ZNF324: variants seen among roughly 807,000 people sequenced by gnomAD.
ZNF324 encodes the protein zinc finger protein 324.
In ZNF324, 3 loss-of-function variants were observed where a neutral mutation model predicts 10.3. The ratio of observed to expected loss-of-function variants is 0.29; its 90% CI spans 0.13 to 0.75. The LOEUF (loss-of-function observed/expected upper bound fraction) is 0.75. ZNF324 is among the 30% of genes least tolerant of loss of function. ZNF324 has a pLI of 0.69. For missense variants in ZNF324, 763 were observed against 784.4 expected, an observed-to-expected ratio of 0.97 and a Z score of 0.33; for synonymous variants, 430 against 339.5, an observed-to-expected ratio of 1.27 and a Z score of -2.93.
chr19:58,469,947 C>T, intron 3 of ZNF324, 103 bp downstream of exon 3: 1 of 847,470 alleles, frequency 1.2e-6, no homozygotes, highest in Non-Finnish European at 1.9e-6. Flanking sequence ...CCCTCCCTCC[C>T]ACCCGATTCC....
chr19:58,471,683 C>T lies in ZNF324; in HGVS notation c.1191C>T (p.Phe397=), dbSNP rs760739597. Residue 397 remains phenylalanine (F), a synonymous_variant, in exon 4 of 4, where the codon TTC becomes TTT. Coordinates refer to ENST00000196482, the MANE Select transcript of ZNF324 (RefSeq NM_014347.3). ...GTACGCACACAGGCGAGAAGCCCTT[C>T]GTGTGCGCGCTCTGCGGTGCTGCCT... is the stretch of plus-strand genomic sequence containing the variant. ...HERTHTGEKP[F]VCALCGAAFS... is the part of the protein sequence containing the mutation. 1.2e-5 allele frequency: 20 copies of T among 1,612,802 alleles called. No homozygotes were observed. Among genetic ancestry groups the T allele is most frequent in the Admixed American group, 1.7e-5 (1 of 60,006 alleles).
chr19:58,471,052 G>C lies in ZNF324; in HGVS notation c.560G>C (p.Arg187Thr), dbSNP rs1423974197. The C allele has an allele frequency of 6.2e-7, 1 of 1,613,982 alleles. No homozygotes were observed. Among genetic ancestry groups the C allele is most frequent in the Non-Finnish European group, 8.5e-7 (1 of 1,180,042 alleles). The change falls in exon 4 of 4, where the codon AGG (arginine) becomes ACG (threonine). Residue 187 changes from arginine to threonine, a missense_variant. By Grantham distance (71) the Arg-to-Thr change is moderately conservative. Coordinates refer to ENST00000196482, the MANE Select transcript of ZNF324 (RefSeq NM_014347.3). ...CTCACAGAGCATGCGTTGCTGGGGA[G>C]GCAGCCCAGGACGCCTGAGCGGCAG... ...KTLTEHALLG[R>T]QPRTPERQKP...
At chr19:58,468,885 G>C (rs1446567637) in intron 1 of ZNF324, among the ~76,000 whole-genome samples, 1 of 152,168 alleles carries the variant, frequency 6.6e-6, no homozygotes, top group Non-Finnish European at 1.5e-5. Context: ...CATCATGGAA[G>C]GTGGCTGTTG....
Position 58,470,837 on chromosome 19 carries a change from C to G in ZNF324, c.345C>G (p.Ala115=). ...CTAGCGTCTTCCCTGTTGCCGGTGC[C>G]TGCCACAGTGTAAAAAGCCTGCAGA... ...MTTSVFPVAG[A]CHSVKSLQRQ... The change falls in exon 4 of 4, where the codon GCC becomes GCG. Residue 115 remains alanine (A), a synonymous_variant. Coordinates refer to ENST00000196482, the MANE Select transcript of ZNF324 (RefSeq NM_014347.3). 6.2e-7 allele frequency: 1 copy of G among 1,614,232 alleles called. No homozygotes were observed. The highest frequency in any genetic ancestry group is 8.5e-7 in the Non-Finnish European group (1 of 1,180,044).
rs775018676 is a variant in ZNF324 at position 58,475,130 on chromosome 19, C to T, written c.*2976C>T. Reference sequence around the variant, plus strand: ...ATCCCCAAAAACAACCTGAGGAGGCCGTTGGAAAGCTCCGAGTTGACAAGT... The same window carrying T: ...ATCCCCAAAAACAACCTGAGGAGGCTGTTGGAAAGCTCCGAGTTGACAAGT... On this transcript the variant is annotated 3_prime_UTR_variant, in exon 4 of 4. Transcript: ENST00000196482. 7.9e-5 allele frequency: 12 copies of T among 152,226 alleles called. No individual in the cohort carries two copies. In the South Asian group the frequency reaches 2.5e-3, roughly 32 times the overall value. 9.4% of individuals were successfully genotyped at this position (152,226 alleles called of 1,614,324 possible). A position where few individuals can be genotyped will look rare whatever the true frequency, so the allele number is the denominator to read the frequency against.
Position 58,472,090 on chromosome 19 carries a change from C to T in ZNF324, c.1598C>T (p.Ala533Val), listed in dbSNP as rs201793822. The change falls in exon 4 of 4, where the codon GCG becomes GTG. Residue 533 changes from alanine (A) to valine (V), a missense_variant. Transcript: ENST00000196482. ...VAGASSEGAP[A>V]KETEPTPASG... is the part of the protein sequence containing the mutation. ...GGGGCATCATCAGAAGGTGCGCCAGCGAAGGAAACCGAGCCCACTCCCGCC... is the reference window on the plus strand; with the variant it reads ...GGGGCATCATCAGAAGGTGCGCCAGTGAAGGAAACCGAGCCCACTCCCGCC... 9 of 1,598,454 alleles carry T rather than the reference C, an allele frequency of 5.6e-6. No individual in the cohort carries two copies. The highest frequency in any genetic ancestry group is 5.0e-5 in the Admixed American group (3 of 59,738).
Position 58,471,332 on chromosome 19 carries a change from C to G in ZNF324, c.840C>G (p.Thr280=). 1 of 1,614,002 alleles carries G rather than the reference C, an allele frequency of 6.2e-7. No homozygotes were observed. The highest frequency in any genetic ancestry group is 8.5e-7 in the Non-Finnish European group (1 of 1,180,014). ...SDLLKHLRTH[T]GERPYECAQC... ...TCCTCAAGCACCTACGCACCCACAC[C>G]GGGGAGCGGCCCTACGAGTGCGCCC... is the stretch of plus-strand genomic sequence containing the variant. The change falls in exon 4 of 4, where the codon ACC becomes ACG. Residue 280 remains threonine, a synonymous_variant. Transcript: ENST00000196482.
At chr19:58,467,235 A>AGGGCGCC (rs2052989338) in intron 1 of ZNF324, 52 bp downstream of exon 1, 1 of 150,572 alleles carries the variant, frequency 6.6e-6, no homozygotes, top group South Asian at 2.1e-4. Flanking sequence ...GTCGTGATCA[A>AGGGCGCC]GGGCGCCGGC....
Position 58,471,525 on chromosome 19 carries a change from G to T in ZNF324, c.1033G>T (p.Glu345Ter), listed in dbSNP as rs1474016288. Residue 345 changes from glutamate (E) to a stop codon, truncating the protein, a stop_gained, in exon 4 of 4, where the codon GAG becomes TAG. Transcript: ENST00000196482. LOFTEE classifies it low-confidence loss of function (END_TRUNC). ...GGCCGAGAAGTCCTTCCGCTGCTCC[G>T]AGTGCGGCAAGGCCTTCAGCCACGG... ...HTAEKSFRCS[E>*]CGKAFSHGSN... 6.4e-7 allele frequency: 1 copy of T among 1,573,654 alleles called. No homozygotes were observed. The highest frequency in any genetic ancestry group is 2.3e-5 in the East Asian group (1 of 42,964).
Position 58,470,800 on chromosome 19 carries a change from C to T in ZNF324, c.308C>T (p.Pro103Leu). Residue 103 changes from proline (P) to leucine (L), a missense_variant, in exon 4 of 4, where the codon CCT becomes CTT. This residue lies in a region of ZNF324 where 379 missense variants were observed against 319.4 expected (regional missense o/e 1.19). Transcript: ENST00000196482. ...CCACGAGCTTTCCCAGATACCCCAC[C>T]TGGGATGACTACTAGCGTCTTCCCT... ...EWPRAFPDTP[P>L]GMTTSVFPVA... The T allele has an allele frequency of 6.2e-7, 1 of 1,614,230 alleles. No individual in the cohort carries two copies. Among genetic ancestry groups the T allele is most frequent in the Non-Finnish European group, 8.5e-7 (1 of 1,180,044 alleles).
rs2053009796 is a variant in ZNF324 at position 58,469,588 on chromosome 19, C to T, written c.122-140C>T. The T allele has an allele frequency of 8.9e-6, 7 of 787,092 alleles. No individual in the cohort carries two copies. The South Asian group carries it at 1.2e-4, about 13-fold the overall frequency. The allele number at this position is 787,092 out of a possible 1,614,324, so 48.8% of individuals were successfully genotyped here. On this transcript the variant is annotated intron_variant, in intron 2 of 3. Coordinates refer to ENST00000196482, the MANE Select transcript of ZNF324 (RefSeq NM_014347.3). ...ATGAATGAGCTATTCCTGTGAGCCC[C>T]TTGCCCTGTGCCATCTTTAGATTCT...
chr19:58,469,601 A>C, intron 2 of ZNF324, 127 bp from the exon 3 acceptor site: 1 of 836,618 alleles, frequency 1.2e-6, no homozygotes, highest in South Asian at 1.6e-5. Context: ...GCCCTGTGCC[A>C]TCTTTAGATT....
chr19:58,471,990 C>T lies in ZNF324; in HGVS notation c.1498C>T (p.Gln500Ter), dbSNP rs1178713652. The part of the protein sequence containing the change: ...FRERPALFHH[Q>*]RIHTGEKTVR... ...TGAGCGCCCGGCCCTCTTCCACCAC[C>T]AGAGGATCCATACCGGCGAGAAGAC... is the stretch of plus-strand genomic sequence containing the variant. Residue 500 changes from glutamine (Q) to a stop codon, truncating the protein, a stop_gained, in exon 4 of 4, where the codon CAG (glutamine) becomes TAG (stop). Coordinates refer to ENST00000196482, the MANE Select transcript of ZNF324 (RefSeq NM_014347.3). LOFTEE classifies it low-confidence loss of function (END_TRUNC). 5.6e-6 allele frequency: 9 copies of T among 1,608,806 alleles called. No homozygotes were observed. The highest frequency in any genetic ancestry group is 1.7e-5 in the Admixed American group (1 of 60,018).
rs751326737 is a variant in ZNF324 at position 58,471,692 on chromosome 19, G to T, written c.1200G>T (p.Ala400=). The T allele has an allele frequency of 4.3e-6, 7 of 1,612,562 alleles. No individual in the cohort carries two copies. The highest frequency in any genetic ancestry group is 5.1e-6 in the Non-Finnish European group (6 of 1,179,570). ...CAGGCGAGAAGCCCTTCGTGTGCGC[G>T]CTCTGCGGTGCTGCCTTCAGCCAGG... The part of the protein sequence containing the change: ...THTGEKPFVC[A]LCGAAFSQGS... The change falls in exon 4 of 4, where the codon GCG becomes GCT. Residue 400 remains alanine, a synonymous_variant. Transcript: ENST00000196482.
rs200150466 is a variant in ZNF324 at position 58,472,042 on chromosome 19, A to G, written c.1550A>G (p.His517Arg). Residue 517 changes from histidine to arginine, a missense_variant, in exon 4 of 4, where the codon CAC (histidine) becomes CGC (arginine). By Grantham distance (29) the His-to-Arg change is conservative. Around this residue, in one of 3 missense-constraint regions of ZNF324, gnomAD observed 231 missense variants for 196.0 expected, o/e 1.18. Transcript: ENST00000196482. Reference protein sequence around the residue: ...KTVRRSRASLHPQARSVAGAS... With the variant: ...KTVRRSRASLRPQARSVAGAS... Reference sequence around the variant, plus strand: ...GTCCGGCGATCCAGGGCCAGCCTGCACCCCCAGGCCAGGTCTGTTGCCGGG... The same window carrying G: ...GTCCGGCGATCCAGGGCCAGCCTGCGCCCCCAGGCCAGGTCTGTTGCCGGG... 5.0e-5 allele frequency: 80 copies of G among 1,606,332 alleles called. No individual in the cohort carries two copies. The Middle Eastern group carries it at 3.8e-3, about 76-fold the overall frequency.
chr19:58,470,017 A>G (rs1038730359), intron 3 of ZNF324, among the ~76,000 whole-genome samples, 173 bp downstream of exon 3: 3 of 135,454 alleles, frequency 2.2e-5, no homozygotes, highest in Non-Finnish European at 4.6e-5. Flanking sequence ...TTGAAGGTGG[A>G]GCTCCAAGGG....
rs2122414374 is a variant in ZNF324, at chr19:58,471,121, C to T, written c.629C>T (p.Ala210Val). The change falls in exon 4 of 4, where the codon GCC becomes GTC. Residue 210 changes from alanine (A) to valine (V), a missense_variant. Physicochemically the swap from Ala to Val is moderately conservative, Grantham distance 64. Transcript: ENST00000196482. Reference sequence around the variant, plus strand: ...GTCCCTGGGAGAACCTTTGGGAGCGCCCAGGACCTGGAGGCTGCCGGCGGT... The same window carrying T: ...GTCCCTGGGAGAACCTTTGGGAGCGTCCAGGACCTGGAGGCTGCCGGCGGT... ...QEVPGRTFGS[A>V]QDLEAAGGRG... 6.2e-7 allele frequency: 1 copy of T among 1,613,876 alleles called. No individual in the cohort carries two copies. Among genetic ancestry groups the T allele is most frequent in the East Asian group, 2.2e-5 (1 of 44,886 alleles).
rs961590628 is a variant in ZNF324, at chr19:58,473,599, C to G, written c.*1445C>G. 6.6e-6 allele frequency: 1 copy of G among 152,138 alleles called. No homozygotes were observed. Among genetic ancestry groups the G allele is most frequent in the Non-Finnish European group, 1.5e-5 (1 of 68,048 alleles). 9.4% of individuals were successfully genotyped at this position (152,138 alleles called of 1,614,324 possible). A position where few individuals can be genotyped will look rare whatever the true frequency, so the allele number is the denominator to read the frequency against. ...AAACATTTGTGTGAACGGTAGCAAC[C>G]TGACACCTATTTCACCCTCATACAA... On this transcript the variant is annotated 3_prime_UTR_variant, in exon 4 of 4. Transcript: ENST00000196482.
chr19:58,474,778 G>A lies in ZNF324; in HGVS notation c.*2624G>A, dbSNP rs1301806144. On this transcript the variant is annotated 3_prime_UTR_variant, in exon 4 of 4. Transcript: ENST00000196482. ...AGTATTTAAAACACATAACCCACAA[G>A]TATGAGGATGGTGACAGAGGAGTCA... The A allele has an allele frequency of 6.6e-6, 1 of 152,234 alleles. No individual in the cohort carries two copies. The highest frequency in any genetic ancestry group is 1.5e-5 in the Non-Finnish European group (1 of 68,032). 9.4% of individuals were successfully genotyped at this position (152,234 alleles called of 1,614,324 possible). A position where few individuals can be genotyped will look rare whatever the true frequency, so the allele number is the denominator to read the frequency against.
Sources: allele counts gnomAD v4.1 joint callset (sites outside exome capture counted in the v4.1 genomes callset), GRCh38; gene constraint gnomAD v4.1.1; regional missense constraint gnomAD v4.1.1; transcripts MANE v1.5; gene names NCBI Gene and HGNC (gene_info 2026-07-23, HGNC 2026-07-21).